PABPC4L: variants seen among roughly 807,000 people sequenced by gnomAD.
The protein encoded by PABPC4L is poly(A) binding protein cytoplasmic 4 like.
For missense variants in PABPC4L, 452 were observed against 451.4 expected (o/e 1.00, Z -0.01); for synonymous variants, 169 against 164.1 (o/e 1.03, Z -0.23).
At chr4:134,154,583 TC>T in the PABPC4L span, among the ~76,000 whole-genome samples, 7 of 152,278 alleles carry the variant, frequency 4.6e-5, no homozygotes, top group East Asian at 9.7e-4. Context: ...CTTTGGACAA[TC>T]AGAAGAATAA....
At chr4:133,996,157 C>T in the PABPC4L span, among the ~76,000 whole-genome samples, 2 of 152,176 alleles carry the variant, frequency 1.3e-5, no homozygotes, top group East Asian at 1.9e-4. Flanking sequence ...GGTATTTTTG[C>T]CAGAGAATGG....
the PABPC4L span, among the ~76,000 whole-genome samples, chr4:134,191,213 T>TAC: frequency 1.3e-5 from 2 of 152,156 alleles, no homozygotes; most frequent in African/African-American, 4.8e-5. Context: ...ATTCTATATA[T>TAC]ACCAATTGGA....
the PABPC4L span, among the ~76,000 whole-genome samples, chr4:134,049,990 G>T: frequency 7.7e-3 from 1,168 of 152,160 alleles, 14 homozygotes; most frequent in African/African-American, 0.026. Context: ...CCTTTCACTG[G>T]TGGGATCAGA....
At chr4:134,129,049 T>C in the PABPC4L span, among the ~76,000 whole-genome samples, 1 of 151,956 alleles carries the variant, frequency 6.6e-6, no homozygotes, top group African/African-American at 2.4e-5. Flanking sequence ...AAAACAAACT[T>C]TAATGCAACA....
chr4:134,145,317 A>T, the PABPC4L span, among the ~76,000 whole-genome samples: 1 of 151,918 alleles, frequency 6.6e-6, no homozygotes, highest in Non-Finnish European at 1.5e-5. Context: ...CTTTACTCCT[A>T]TTTGGAAAAG....
the PABPC4L span, among the ~76,000 whole-genome samples, chr4:134,150,245 G>A: frequency 7.0e-3 from 1,064 of 151,552 alleles, 14 homozygotes; most frequent in Non-Finnish European, 0.013. Context: ...CACCATGCTC[G>A]GCTAATTTTT....
the PABPC4L span, among the ~76,000 whole-genome samples, chr4:134,039,154 G>A: frequency 6.6e-6 from 1 of 152,028 alleles, no homozygotes; most frequent in Non-Finnish European, 1.5e-5. Flanking sequence ...TCTTAATTCT[G>A]AGTTCTAACG....
the PABPC4L span, among the ~76,000 whole-genome samples, chr4:133,949,106 G>T: frequency 6.6e-6 from 1 of 152,108 alleles, no homozygotes; most frequent in African/African-American, 2.4e-5. Flanking sequence ...TTTCACAGTT[G>T]TGTGGCATGG....
At chr4:134,168,603 A>G in the PABPC4L span, among the ~76,000 whole-genome samples, 1 of 151,988 alleles carries the variant, frequency 6.6e-6, no homozygotes, top group Non-Finnish European at 1.5e-5. Context: ...ATGATACCAC[A>G]GAAATTTAAA....
At chr4:133,975,993 T>C in the PABPC4L span, among the ~76,000 whole-genome samples, 1 of 152,126 alleles carries the variant, frequency 6.6e-6, no homozygotes. Context: ...GGGGTACATG[T>C]CAGGATGTGC....
the PABPC4L span, among the ~76,000 whole-genome samples, chr4:134,142,524 T>C: frequency 1.3e-5 from 2 of 151,680 alleles, no homozygotes; most frequent in Non-Finnish European, 3.0e-5. Flanking sequence ...AAACATCTAT[T>C]GGTCTTGTAG....
the PABPC4L span, among the ~76,000 whole-genome samples, chr4:133,992,045 T>C: frequency 6.6e-6 from 1 of 152,190 alleles, no homozygotes; most frequent in Non-Finnish European, 1.5e-5. Context: ...GGTGCTAAGA[T>C]GTCCCAGGTG....
At chr4:133,990,360 T>G in the PABPC4L span, among the ~76,000 whole-genome samples, 108 of 152,296 alleles carry the variant, frequency 7.1e-4, 2 homozygotes, top group East Asian at 0.019. Context: ...ATGTTTCTAT[T>G]ATAATTGTTT....
chr4:133,962,339 G>A, the PABPC4L span, among the ~76,000 whole-genome samples: 1 of 152,172 alleles, frequency 6.6e-6, no homozygotes, highest in African/African-American at 2.4e-5. Context: ...TAATCAGGGA[G>A]ACGCCAGAGA....
the PABPC4L span, among the ~76,000 whole-genome samples, chr4:134,033,984 G>A: frequency 1.3e-5 from 2 of 151,906 alleles, no homozygotes; most frequent in Non-Finnish European, 2.9e-5. Flanking sequence ...ATTGAAAGAA[G>A]ATGCCATCTA....
At chr4:134,193,630 A>G (rs955989640), downstream of PABPC4L, among the ~76,000 whole-genome samples, 5 of 151,958 alleles carry the variant, frequency 3.3e-5, no homozygotes, top group African/African-American at 1.2e-4. Context: ...TGTGTATATG[A>G]GCCCAAGTCC....
At chr4:134,114,821 A>T in the PABPC4L span, among the ~76,000 whole-genome samples, 1 of 152,070 alleles carries the variant, frequency 6.6e-6, no homozygotes, top group Admixed American at 6.6e-5. Flanking sequence ...AGTTACACCA[A>T]TTAAAGTTAG....
chr4:134,195,056 T>A (rs762115402), downstream of PABPC4L, among the ~76,000 whole-genome samples: 15 of 151,754 alleles, frequency 9.9e-5, no homozygotes, highest in Non-Finnish European at 2.2e-4. Context: ...ACAATATAAA[T>A]GTCATTTGTA....
chr4:134,148,046 C>T, the PABPC4L span, among the ~76,000 whole-genome samples: 1 of 152,052 alleles, frequency 6.6e-6, no homozygotes, highest in Non-Finnish European at 1.5e-5. Flanking sequence ...GAAGACTGCT[C>T]ATAGAGTGGT....
Sources: gnomAD v4.1 joint callset for allele counts (sites outside exome capture counted in the v4.1 genomes callset) on GRCh38, gnomAD v4.1.1 for gene constraint, MANE v1.5 for transcripts, NCBI Gene and HGNC (gene_info 2026-07-23, HGNC 2026-07-21) for gene names.